Variants in TIA1 observed in about 807,000 individuals in gnomAD.
TIA1 encodes TIA1 cytotoxic granule associated RNA binding protein.
Under a neutral mutation model 65.9 loss-of-function variants are expected in TIA1, and 23 were observed. The ratio of observed to expected loss-of-function variants is 0.35; its 90% CI spans 0.25 to 0.49. TIA1 has a LOEUF of 0.49. Ranked by LOEUF, TIA1 falls within the 20% of genes least tolerant of loss-of-function variation. The pLI, the probability that TIA1 is intolerant of heterozygous loss-of-function variation, is 0.98. For missense variants in TIA1, 371 were observed against 477.9 expected (o/e 0.78, Z 2.09); for synonymous variants, 147 against 149.4 (o/e 0.98, Z 0.12).
At chr2:70,245,078 C>T (rs909816776) in intron 1 of TIA1, among the ~76,000 whole-genome samples, 4 of 152,012 alleles carry the variant, frequency 2.6e-5, no homozygotes, top group Non-Finnish European at 2.9e-5. Flanking sequence ...CTCCACCTCC[C>T]GGGCGATTCT....
In TIA1 at chr2:70,245,355, A is replaced by G. The variant is rs190085026; in HGVS notation, c.26+3050T>C. Among the ~76,000 whole-genome samples, 9 of 152,364 alleles carry G rather than the reference A, an allele frequency of 5.9e-5. No homozygotes were observed. In the East Asian group the frequency reaches 7.7e-4, roughly 13 times the overall value. ...TCTTAGCAAATGGGAAAGCCGCACA[A>G]TAACAGTATAGTTATCTCAAAAGAG... On this transcript the variant is annotated intron_variant, in intron 1 of 12. Transcript: ENST00000433529.
At chr2:70,248,184 C>T (rs555503766) in intron 1 of TIA1, among the ~76,000 whole-genome samples, 1 of 152,170 alleles carries the variant, frequency 6.6e-6, no homozygotes, top group Non-Finnish European at 1.5e-5. Context: ...AATGGTGTTG[C>T]TAAAGTGAAG....
At chr2:70,240,217 G>T (rs1292004419) in intron 1 of TIA1, among the ~76,000 whole-genome samples, 1 of 152,136 alleles carries the variant, frequency 6.6e-6, no homozygotes. Context: ...CGACCAATGA[G>T]ATACTGCATA....
chr2:70,218,493 G>A (rs1177986281), intron 7 of TIA1, among the ~76,000 whole-genome samples: 9 of 152,186 alleles, frequency 5.9e-5, no homozygotes, highest in Admixed American at 2.6e-4. Flanking sequence ...GTGCAGTGGC[G>A]CGTTCTTGGC....
At chr2:70,230,521 G>C (rs953329130) in intron 3 of TIA1, among the ~76,000 whole-genome samples, 6 of 151,872 alleles carry the variant, frequency 4.0e-5, no homozygotes, top group African/African-American at 1.5e-4. Flanking sequence ...GTGTGGTGGT[G>C]CGTTCCTGTA....
intron 7 of TIA1, among the ~76,000 whole-genome samples, chr2:70,222,169 G>A (rs887276925): frequency 6.6e-6 from 1 of 151,916 alleles, no homozygotes; most frequent in Admixed American, 6.6e-5. Flanking sequence ...CAATGAAGCA[G>A]TGGCAGCATA....
At position 70,221,474 on chromosome 2, in the gene TIA1, A is replaced by T. The variant is rs112460650; in HGVS notation, c.474+3080T>A. ...GACAGAGTGAGACCCTCTCTCCAAA[A>T]AAAAAAGAGAGATCCTAGGTTGATG... On this transcript the variant is annotated intron_variant, in intron 7 of 12. Coordinates refer to ENST00000433529, the MANE Select transcript of TIA1 (RefSeq NM_022173.4). Among the ~76,000 whole-genome samples the T allele has an allele frequency of 4.7e-3, 711 of 152,164 alleles. 5 individuals are homozygous for T. Among genetic ancestry groups the T allele is most frequent in the African/African-American group, 0.016 (674 of 41,520 alleles).
chr2:70,230,809 G>A lies in TIA1; in HGVS notation c.169C>T (p.Arg57Cys), dbSNP rs752229896. 14 of 1,612,578 alleles carry A rather than the reference G, an allele frequency of 8.7e-6. No individual in the cohort carries two copies. The highest frequency in any genetic ancestry group is 1.3e-5 in the African/African-American group (1 of 74,716). ...GCAGCTAATGCTGCAGCTGCATGACGATGCTCATGAAACTCCACAAAACAA... is the reference window on the plus strand; with the variant it reads ...GCAGCTAATGCTGCAGCTGCATGACAATGCTCATGAAACTCCACAAAACAA... ...PYCFVEFHEH[R>C]HAAAALAAMN... is the part of the protein sequence containing the mutation. Residue 57 changes from arginine to cysteine, a missense_variant, in exon 3 of 13, where the codon CGT becomes TGT. Physicochemically the swap from Arg to Cys is radical, Grantham distance 180 (BLOSUM62 -3). Transcript: ENST00000433529.
rs186256332 is a variant in TIA1 at position 70,223,577 on chromosome 2, A to T, written c.474+977T>A. On this transcript the variant is annotated intron_variant, in intron 7 of 12. Transcript: ENST00000433529. Reference sequence around the variant, plus strand: ...GCTGGGACTACAGGCATGTGTCGCCATGCCTGGCTAATTTTTTGTAGAGAT... The same window carrying T: ...GCTGGGACTACAGGCATGTGTCGCCTTGCCTGGCTAATTTTTTGTAGAGAT... 7.3e-3 allele frequency among the ~76,000 whole-genome samples: 1,102 copies of T among 151,866 alleles called. 16 individuals carry two copies. Among genetic ancestry groups the T allele is most frequent in the African/African-American group, 0.024 (1,006 of 41,412 alleles).
At chr2:70,240,777 C>A (rs1267225233) in intron 1 of TIA1, among the ~76,000 whole-genome samples, 1 of 152,054 alleles carries the variant, frequency 6.6e-6, no homozygotes, top group Non-Finnish European at 1.5e-5. Context: ...GAAGGGGAGG[C>A]ACAAGAATCA....
At chr2:70,221,402 C>T (rs957412382) in intron 7 of TIA1, among the ~76,000 whole-genome samples, 5 of 151,604 alleles carry the variant, frequency 3.3e-5, no homozygotes, top group Non-Finnish European at 7.4e-5. Flanking sequence ...GCCAGGAGTT[C>T]GAGGCTGCAG....
At chr2:70,227,326 G>A (rs1348038856) in intron 6 of TIA1, among the ~76,000 whole-genome samples, 1 of 152,046 alleles carries the variant, frequency 6.6e-6, no homozygotes, top group South Asian at 2.1e-4. Context: ...TTTTTAAGTT[G>A]AATTGTTAAG....
rs72902472 is a variant in TIA1 at position 70,221,601 on chromosome 2, G to A, written c.474+2953C>T. Among the ~76,000 whole-genome samples the A allele has an allele frequency of 6.1e-3, 929 of 152,202 alleles. 10 individuals are homozygous for A. Among genetic ancestry groups the A allele is most frequent in the African/African-American group, 0.021 (892 of 41,534 alleles). On this transcript the variant is annotated intron_variant, in intron 7 of 12. Coordinates refer to ENST00000433529, the MANE Select transcript of TIA1 (RefSeq NM_022173.4). Reference sequence around the variant, plus strand: ...ATTTATAGGAAATGTTGAGAACAGGGAAATCTACAGAGACAGAAAGTAGAT... The same window carrying A: ...ATTTATAGGAAATGTTGAGAACAGGAAAATCTACAGAGACAGAAAGTAGAT...
chr2:70,216,475 T>A lies in TIA1; in HGVS notation c.608A>T (p.Asp203Val). Reference protein sequence around the residue: ...YESNTKQLSYDEVVNQSSPSN... With the variant: ...YESNTKQLSYVEVVNQSSPSN... ...TGGACTAGACTGATTTACAACCTCA[T>A]CATATGATAGCTGTTTGGTATTTGC... The change falls in exon 9 of 13, where the codon GAT becomes GTT. Residue 203 changes from aspartate (D) to valine (V), a missense_variant. Coordinates refer to ENST00000433529, the MANE Select transcript of TIA1 (RefSeq NM_022173.4). The A allele has an allele frequency of 6.2e-7, 1 of 1,613,892 alleles. No homozygotes were observed. The highest frequency in any genetic ancestry group is 1.1e-5 in the South Asian group (1 of 91,016).
At chr2:70,231,054 C>T (rs1427186864) in intron 2 of TIA1, among the ~76,000 whole-genome samples, 200 bp from the exon 3 acceptor site, 1 of 152,092 alleles carries the variant, frequency 6.6e-6, no homozygotes, top group Non-Finnish European at 1.5e-5. Flanking sequence ...AATCCCAGCA[C>T]TTTGGGAGGC....
At chr2:70,215,909 G>A (rs771705242) in intron 10 of TIA1, among the ~76,000 whole-genome samples, 27 of 152,024 alleles carry the variant, frequency 1.8e-4, no homozygotes, top group Non-Finnish European at 2.6e-4. Context: ...CCGCCATGCC[G>A]GCTAATTTTT....
intron 3 of TIA1, among the ~76,000 whole-genome samples, chr2:70,230,503 T>C (rs1685756715): frequency 6.6e-6 from 1 of 151,624 alleles, no homozygotes; most frequent in Admixed American, 6.6e-5. Context: ...ATACGAAAAA[T>C]TAGCTGGGTG....
chr2:70,235,504 C>T (rs1688426173), intron 2 of TIA1, among the ~76,000 whole-genome samples: 1 of 150,578 alleles, frequency 6.6e-6, no homozygotes, highest in Non-Finnish European at 1.5e-5. Context: ...CTTTTTATAC[C>T]TATTATGATT....
In TIA1 at chr2:70,212,528, C is replaced by T. The variant is rs1379733626; in HGVS notation, c.*191G>A. The T allele has an allele frequency of 2.3e-6, 1 of 440,602 alleles. No individual in the cohort carries two copies. Among genetic ancestry groups the T allele is most frequent in the African/African-American group, 2.0e-5 (1 of 50,380 alleles). 27.3% of individuals were successfully genotyped at this position (440,602 alleles called of 1,614,324 possible). ...GGTAATGAAGGCAAAAATTGGCAGA[C>T]ATCCAGCATCTTGTTTCTTTTTAAA... On this transcript the variant is annotated 3_prime_UTR_variant, in exon 13 of 13. Coordinates refer to ENST00000433529, the MANE Select transcript of TIA1 (RefSeq NM_022173.4).
Sources: gnomAD v4.1 joint callset for allele counts (sites outside exome capture counted in the v4.1 genomes callset) on GRCh38, gnomAD v4.1.1 for gene constraint, MANE v1.5 for transcripts, NCBI Gene and HGNC (gene_info 2026-07-23, HGNC 2026-07-21) for gene names.